ZNF385D: variants seen among roughly 807,000 people sequenced by gnomAD.
ZNF385D encodes zinc finger protein 385D.
A neutral mutation model predicts 35.8 loss-of-function variants in ZNF385D; 15 were observed. That is an observed-to-expected ratio of 0.42 (90% CI 0.28 to 0.64). The LOEUF is 0.64. Among genes scored for constraint, ZNF385D ranks in the 30% least tolerant of loss-of-function variants. ZNF385D has a pLI of 0.23. For synonymous variants in ZNF385D, 212 were observed against 186.8 expected (o/e 1.13, Z -1.10); for missense variants, 474 against 494.6 (o/e 0.96, Z 0.39).
chr3:22,297,769 A>C (rs898166272), intron 2 of ZNF385D, among the ~76,000 whole-genome samples: 1 of 152,154 alleles, frequency 6.6e-6, no homozygotes, highest in African/African-American at 2.4e-5. Flanking sequence ...TATATACATA[A>C]AAATAACATA....
chr3:22,096,178 G>A (rs1264771654), intron 3 of ZNF385D, among the ~76,000 whole-genome samples: 2 of 151,932 alleles, frequency 1.3e-5, no homozygotes, highest in Non-Finnish European at 2.9e-5. Flanking sequence ...AGGGCAGGGA[G>A]AGAAGGAGAC....
intron 3 of ZNF385D, among the ~76,000 whole-genome samples, chr3:22,153,370 CAA>C (rs1230491149): frequency 6.6e-6 from 1 of 152,028 alleles, no homozygotes; most frequent in African/African-American, 2.4e-5. Flanking sequence ...CATCATCAGG[CAA>C]ACTCTGTAGT....
intron 2 of ZNF385D, among the ~76,000 whole-genome samples, chr3:22,371,522 G>A (rs543223342): frequency 1.3e-4 from 20 of 152,270 alleles, no homozygotes; most frequent in South Asian, 1.0e-3. Flanking sequence ...GCACTCATCA[G>A]CACAATCTCC....
At chr3:21,809,560 T>G (rs542981769) in intron 3 of ZNF385D, among the ~76,000 whole-genome samples, 4 of 151,324 alleles carry the variant, frequency 2.6e-5, no homozygotes, top group Admixed American at 2.6e-4. Flanking sequence ...ATATAACCCC[T>G]ACAACAAACC....
chr3:22,294,646 C>G (rs1421554600), intron 2 of ZNF385D, among the ~76,000 whole-genome samples: 2 of 150,252 alleles, frequency 1.3e-5, no homozygotes, highest in African/African-American at 5.0e-5. Context: ...AATCCTGGTG[C>G]TGATGATTAC....
intron 2 of ZNF385D, among the ~76,000 whole-genome samples, chr3:22,172,946 A>G (rs1694564828): frequency 6.6e-6 from 1 of 152,206 alleles, no homozygotes; most frequent in African/African-American, 2.4e-5. Context: ...AAAGAGGAGA[A>G]AAGTAGCTTT....
intron 4 of ZNF385D, among the ~76,000 whole-genome samples, chr3:21,453,176 A>G (rs1575171198): frequency 6.6e-6 from 1 of 151,934 alleles, no homozygotes; most frequent in Middle Eastern, 3.4e-3. Context: ...TGCAAAAAAA[A>G]AAAAAATGAA....
intron 3 of ZNF385D, among the ~76,000 whole-genome samples, chr3:22,049,470 C>G (rs767801304): frequency 6.6e-6 from 1 of 151,926 alleles, no homozygotes; most frequent in Non-Finnish European, 1.5e-5. Context: ...CAAGTGTACC[C>G]ATGTCCTCCA....
rs71044918 is a variant in ZNF385D at position 21,446,487 on chromosome 3, CT to C, written c.440-9285del. 2.6e-3 allele frequency among the ~76,000 whole-genome samples: 241 copies of C among 91,810 alleles called. 1 individual carries two copies. The highest frequency in any genetic ancestry group is 8.5e-3 in the African/African-American group (179 of 21,122). 60.2% of individuals were successfully genotyped at this position (91,810 alleles called of 152,430 possible). A position where few individuals can be genotyped will look rare whatever the true frequency, so the allele number is the denominator to read the frequency against. On this transcript the variant is annotated intron_variant, in intron 4 of 7. Transcript: ENST00000281523. The stretch of plus-strand genomic sequence containing the variant: ...TTTTAGATACTACCTAATCAATGAA[CT>C]TTTTTTTTTTTTTTTTTTTTTTTGA...
chr3:21,926,937 C>A (rs868081668), intron 3 of ZNF385D, among the ~76,000 whole-genome samples: 2 of 152,154 alleles, frequency 1.3e-5, no homozygotes, highest in African/African-American at 4.8e-5. Context: ...CTACAAAGAA[C>A]TGTCCTCTCC....
intron 2 of ZNF385D, among the ~76,000 whole-genome samples, chr3:22,344,612 G>T (rs1451974713): frequency 1.3e-5 from 2 of 151,868 alleles, no homozygotes; most frequent in African/African-American, 4.8e-5. Context: ...TGTAGAGAAG[G>T]GGTTTTGCCA....
chr3:22,130,263 G>A (rs1051802602), intron 3 of ZNF385D, among the ~76,000 whole-genome samples: 1 of 152,164 alleles, frequency 6.6e-6, no homozygotes, highest in African/African-American at 2.4e-5. Context: ...AAAGTTGGGA[G>A]AAGGGTGATG....
intron 2 of ZNF385D, among the ~76,000 whole-genome samples, chr3:22,336,011 C>G (rs967155168): frequency 1.2e-4 from 18 of 152,086 alleles, no homozygotes; most frequent in African/African-American, 4.1e-4. Flanking sequence ...TCCACTAAAA[C>G]AATTCAATTC....
At chr3:21,776,526 TTAAGA>T (rs1277763892) in intron 3 of ZNF385D, among the ~76,000 whole-genome samples, 4 of 151,952 alleles carry the variant, frequency 2.6e-5, no homozygotes, top group African/African-American at 4.8e-5. Context: ...CATTCTTTTA[TTAAGA>T]TAAGTTAATG....
At chr3:22,021,514 A>T (rs115730378) in intron 3 of ZNF385D, among the ~76,000 whole-genome samples, 2 of 152,050 alleles carry the variant, frequency 1.3e-5, no homozygotes, top group African/African-American at 4.8e-5. Context: ...ACCGCTAACT[A>T]TATTTATGCC....
chr3:21,599,131 C>T (rs1233557262), intron 2 of ZNF385D, among the ~76,000 whole-genome samples: 2 of 152,198 alleles, frequency 1.3e-5, no homozygotes, highest in Non-Finnish European at 2.9e-5. Flanking sequence ...TGCCGTTTCT[C>T]ATTGCAGACT....
At chr3:21,760,693 T>C (rs1183676993) in intron 3 of ZNF385D, among the ~76,000 whole-genome samples, 1 of 152,192 alleles carries the variant, frequency 6.6e-6, no homozygotes, top group Non-Finnish European at 1.5e-5. Context: ...TCAAGAGCAG[T>C]ACTGACTAAA....
intron 3 of ZNF385D, among the ~76,000 whole-genome samples, chr3:21,889,925 C>T (rs3849559): frequency 0.097 from 14,825 of 152,132 alleles, 833 homozygotes; most frequent in African/African-American, 0.13. Flanking sequence ...GTCCAATCTT[C>T]ACATAGCATC....
At chr3:22,158,777 T>C (rs1705755119) in intron 3 of ZNF385D, among the ~76,000 whole-genome samples, 1 of 148,874 alleles carries the variant, frequency 6.7e-6, no homozygotes. Flanking sequence ...GGTGTAGATC[T>C]ATAGAAACTA....
Sources: allele counts gnomAD v4.1 joint callset (sites outside exome capture counted in the v4.1 genomes callset), GRCh38; gene constraint gnomAD v4.1.1; transcripts MANE v1.5; gene names NCBI Gene and HGNC (gene_info 2026-07-23, HGNC 2026-07-21).